NALCN: variants seen among roughly 807,000 people sequenced by gnomAD.
The protein encoded by NALCN is sodium leak channel NALCN.
In NALCN, 111 loss-of-function variants were observed where a neutral mutation model predicts 225.3. The ratio of observed to expected loss-of-function variants is 0.49; its 90% CI spans 0.42 to 0.58. The LOEUF (loss-of-function observed/expected upper bound fraction) is 0.58. Ranked by LOEUF, NALCN falls within the 20% of genes least tolerant of loss-of-function variation. The pLI is 0.00. For missense variants in NALCN, 1,378 were observed against 2,202.4 expected, an observed-to-expected ratio of 0.63 and a Z score of 7.49; for synonymous variants, 764 against 769.0, an observed-to-expected ratio of 0.99 and a Z score of 0.11.
intron 9 of NALCN, among the ~76,000 whole-genome samples, chr13:101,289,004 A>C (rs1383585221): frequency 6.6e-6 from 1 of 152,224 alleles, no homozygotes; most frequent in Middle Eastern, 3.2e-3. Flanking sequence ...GGTACTCAGG[A>C]CTTCGTCTTT....
At chr13:101,290,473 G>A (rs1010327421) in intron 9 of NALCN, among the ~76,000 whole-genome samples, 3 of 152,182 alleles carry the variant, frequency 2.0e-5, no homozygotes, top group Admixed American at 6.5e-5. Context: ...GAGGAGAGAG[G>A]AGATGAGAAC....
At chr13:101,127,978 C>T (rs548851626) in intron 17 of NALCN, among the ~76,000 whole-genome samples, 1 of 152,094 alleles carries the variant, frequency 6.6e-6, no homozygotes, top group Non-Finnish European at 1.5e-5. Context: ...TGACAATCAC[C>T]TGAAATAATT....
At chr13:101,374,272 C>CTTTTTTTTTTT (rs869167949) in intron 6 of NALCN, among the ~76,000 whole-genome samples, 2 of 119,928 alleles carry the variant, frequency 1.7e-5, no homozygotes, top group African/African-American at 3.2e-5. Flanking sequence ...AAATTTCTTT[C>CTTTTTTTTTTT]TTTTTTTTTT....
rs78241886 is a variant in NALCN, at chr13:101,372,814, A to G, written c.644+3886T>C. 2.6e-5 allele frequency among the ~76,000 whole-genome samples: 4 copies of G among 152,120 alleles called. No individual in the cohort carries two copies. In the East Asian group the frequency reaches 7.7e-4, roughly 29 times the overall value. On this transcript the variant is annotated intron_variant, in intron 6 of 43. Transcript: ENST00000251127. ...AAAAAGAAAACAAAAACTAAAAAGC[A>G]GAAATAAGGAAATAATGAAGATAAA...
intron 13 of NALCN, among the ~76,000 whole-genome samples, chr13:101,222,889 A>G (rs994357221): frequency 2.0e-5 from 3 of 152,202 alleles, no homozygotes; most frequent in Non-Finnish European, 4.4e-5. Flanking sequence ...TATTCATGGC[A>G]AAGAACATCA....
intron 3 of NALCN, among the ~76,000 whole-genome samples, chr13:101,384,891 T>A (rs1160473351): frequency 1.3e-5 from 2 of 152,208 alleles, no homozygotes; most frequent in Non-Finnish European, 2.9e-5. Context: ...TTAAAACAAA[T>A]GCATTCCTCC....
intron 14 of NALCN, among the ~76,000 whole-genome samples, chr13:101,188,721 G>A (rs2039556669): frequency 6.6e-6 from 1 of 150,770 alleles, no homozygotes; most frequent in African/African-American, 2.4e-5. Context: ...TTTCACTGTT[G>A]TTGCCCAGGC....
intron 17 of NALCN, 52 bp from the exon 18 acceptor site, chr13:101,124,733 T>C: frequency 2.2e-6 from 3 of 1,394,292 alleles, no homozygotes; most frequent in Non-Finnish European, 2.0e-6. Flanking sequence ...AGAAATAATA[T>C]ACTGTCAAAT....
In NALCN at chr13:101,092,035, A is replaced by G. The variant is rs191518663; in HGVS notation, c.3270-2069T>C. On this transcript the variant is annotated intron_variant, in intron 28 of 43. Transcript: ENST00000251127. ...TTGCAAAGTTTGAAACTTTACCTGT[A>G]ACTACGGAGTCCTTCAATAAATCCC... Among the ~76,000 whole-genome samples, 253 of 152,318 alleles carry G rather than the reference A, an allele frequency of 1.7e-3. 1 individual carries two copies. Among genetic ancestry groups the G allele is most frequent in the African/African-American group, 5.9e-3 (244 of 41,578 alleles).
At chr13:101,385,220 G>T (rs571756408) in intron 3 of NALCN, among the ~76,000 whole-genome samples, 2 of 151,984 alleles carry the variant, frequency 1.3e-5, no homozygotes, top group Non-Finnish European at 2.9e-5. Context: ...CCACTCCTTT[G>T]TGCCTCATAT....
chr13:101,172,719 G>T (rs772412417), intron 15 of NALCN, among the ~76,000 whole-genome samples: 1 of 149,468 alleles, frequency 6.7e-6, no homozygotes, highest in Non-Finnish European at 1.5e-5. Context: ...GCCACCACGC[G>T]CAGCTAATTT....
intron 15 of NALCN, among the ~76,000 whole-genome samples, chr13:101,150,154 GTT>G (rs2037570044): frequency 1.9e-4 from 2 of 10,258 alleles, no homozygotes; most frequent in African/African-American, 6.9e-4. Context: ...AGTACATACT[GTT>G]GTATGTACTC....
At chr13:101,116,992 G>A (rs970016618) in intron 18 of NALCN, 8 of 514,202 alleles carry the variant, frequency 1.6e-5, no homozygotes, top group African/African-American at 7.7e-5. Context: ...TGAGCTCGTC[G>A]GTAATGGCCT....
At chr13:101,247,119 C>T (rs541017904) in intron 11 of NALCN, among the ~76,000 whole-genome samples, 70 of 152,268 alleles carry the variant, frequency 4.6e-4, no homozygotes, top group African/African-American at 1.6e-3. Context: ...GAGACTAAGG[C>T]ACCTTAGATA....
At chr13:101,312,716 G>C (rs1373583727) in intron 7 of NALCN, among the ~76,000 whole-genome samples, 4 of 152,136 alleles carry the variant, frequency 2.6e-5, no homozygotes, top group African/African-American at 9.7e-5. Context: ...TTGCACTGTG[G>C]TCTGAGAGAC....
At chr13:101,278,786 C>G (rs1047362774) in intron 10 of NALCN, among the ~76,000 whole-genome samples, 2 of 152,178 alleles carry the variant, frequency 1.3e-5, no homozygotes, top group African/African-American at 2.4e-5. Flanking sequence ...TGGAAGCAAA[C>G]TCCAAGTGTA....
intron 17 of NALCN, among the ~76,000 whole-genome samples, chr13:101,135,331 G>C (rs917894566): frequency 6.6e-6 from 1 of 152,228 alleles, no homozygotes; most frequent in Admixed American, 6.5e-5. Context: ...ACAAAAGAAG[G>C]TGAGTGGGCT....
chr13:101,369,768 G>A (rs2046485877), intron 6 of NALCN, among the ~76,000 whole-genome samples: 1 of 151,854 alleles, frequency 6.6e-6, no homozygotes, highest in South Asian at 2.1e-4. Flanking sequence ...AACAATCTAG[G>A]CATATTCTAC....
chr13:101,415,224 T>TATATATATATAC (rs1566669133), intron 1 of NALCN, among the ~76,000 whole-genome samples: 62 of 76,696 alleles, frequency 8.1e-4, no homozygotes, highest in African/African-American at 4.6e-3. Context: ...TATATATATA[T>TATATATATATAC]ACATACATAT....
Sources: gnomAD v4.1 joint callset for allele counts (sites outside exome capture counted in the v4.1 genomes callset) on GRCh38, gnomAD v4.1.1 for gene constraint, MANE v1.5 for transcripts, NCBI Gene and HGNC (gene_info 2026-07-23, HGNC 2026-07-21) for gene names.